The following DGKI variants were observed in gnomAD, a reference collection of about 807,000 sequenced individuals.
The protein encoded by DGKI is DAG kinase iota.
DGKI carries 55 observed loss-of-function variants against 147.5 expected under a neutral mutation model. The observed-to-expected ratio is 0.37, with a 90% CI of 0.30 to 0.47. The LOEUF (loss-of-function observed/expected upper bound fraction) is 0.47. DGKI is among the 20% of genes least tolerant of loss of function. The probability of loss-of-function intolerance (pLI) is 1.00; values close to 1 mark genes in which losing one functional copy is unlikely to be tolerated. For missense variants in DGKI, 1,007 were observed against 1,323.8 expected (o/e 0.76, Z 3.71); for synonymous variants, 469 against 477.1 (o/e 0.98, Z 0.22).
chr7:137,634,009 C>T (rs1821225722), intron 6 of DGKI, among the ~76,000 whole-genome samples: 1 of 152,126 alleles, frequency 6.6e-6, no homozygotes, highest in Non-Finnish European at 1.5e-5. Context: ...GGGACATAAG[C>T]CCTATGAAGA....
At position 137,558,715 on chromosome 7, in the gene DGKI, T is replaced by C. The variant is rs1044578091; in HGVS notation, c.1948-6147A>G. ...ATTCGATAAATTCAGTTTCCTCATATGTAAAGTGATTACAGTATGCTGCTA... is the reference window on the plus strand; with the variant it reads ...ATTCGATAAATTCAGTTTCCTCATACGTAAAGTGATTACAGTATGCTGCTA... On this transcript the variant is annotated intron_variant, in intron 19 of 32. Transcript: ENST00000614521. 1.9e-4 allele frequency among the ~76,000 whole-genome samples: 24 copies of C among 129,142 alleles called. 2 individuals carry two copies. Among genetic ancestry groups the C allele is most frequent in the Non-Finnish European group, 2.9e-4 (19 of 65,248 alleles). The allele number at this position is 129,142 out of a possible 152,430, so 84.7% of individuals were successfully genotyped here. A position where few individuals can be genotyped will look rare whatever the true frequency, so the allele number is the denominator to read the frequency against.
chr7:137,502,385 A>G (rs1816206108), intron 21 of DGKI, among the ~76,000 whole-genome samples: 1 of 152,180 alleles, frequency 6.6e-6, no homozygotes, highest in Non-Finnish European at 1.5e-5. Context: ...GTCATGTTGC[A>G]TAGCATTGTG....
chr7:137,517,213 G>T (rs1280736969), intron 21 of DGKI, among the ~76,000 whole-genome samples: 4 of 104,732 alleles, frequency 3.8e-5, no homozygotes, highest in Non-Finnish European at 6.5e-5. Context: ...GAAAAGTAAA[G>T]AAAAGAAAAG....
At chr7:137,833,286 T>C (rs1293442006) in intron 1 of DGKI, among the ~76,000 whole-genome samples, 4 of 151,626 alleles carry the variant, frequency 2.6e-5, no homozygotes, top group Non-Finnish European at 2.9e-5. Flanking sequence ...ACAGAAGAGG[T>C]TTATTAGACT....
At chr7:137,819,313 ATT>A (rs368399753) in intron 1 of DGKI, among the ~76,000 whole-genome samples, 4 of 143,668 alleles carry the variant, frequency 2.8e-5, no homozygotes, top group Admixed American at 6.9e-5. Flanking sequence ...CTACAAGGGA[ATT>A]TTTTTTTTTT....
intron 8 of DGKI, 83 bp downstream of exon 8, chr7:137,619,741 A>G (rs1820674005): frequency 9.6e-7 from 1 of 1,042,624 alleles, no homozygotes. Context: ...AGGAACCCAA[A>G]GACTAGTCTG....
intron 20 of DGKI, among the ~76,000 whole-genome samples, chr7:137,532,158 T>A (rs1346389146): frequency 6.6e-6 from 1 of 152,086 alleles, no homozygotes; most frequent in Non-Finnish European, 1.5e-5. Context: ...GGAAATCACA[T>A]AACCCAATTA....
chr7:137,762,159 C>A (rs1041178694), intron 1 of DGKI, among the ~76,000 whole-genome samples: 4 of 152,200 alleles, frequency 2.6e-5, no homozygotes, highest in Admixed American at 2.6e-4. Flanking sequence ...GCCAATGTGA[C>A]CAGTTCATTC....
At chr7:137,466,158 T>C in intron 25 of DGKI, 123 bp from the exon 26 acceptor site, 2 of 1,193,238 alleles carry the variant, frequency 1.7e-6, no homozygotes, top group Non-Finnish European at 2.4e-6. Flanking sequence ...GCTTGATCAG[T>C]TGGTGATCCT....
intron 1 of DGKI, among the ~76,000 whole-genome samples, chr7:137,757,880 G>A (rs1348297264): frequency 1.3e-5 from 2 of 152,166 alleles, no homozygotes; most frequent in African/African-American, 2.4e-5. Flanking sequence ...TCTCTAAAAA[G>A]TAGTTTAAGA....
At chr7:137,509,702 C>G (rs970071395) in intron 21 of DGKI, among the ~76,000 whole-genome samples, 3 of 152,028 alleles carry the variant, frequency 2.0e-5, no homozygotes, top group Non-Finnish European at 4.4e-5. Context: ...ACCTAAAATA[C>G]AAGAAAATGG....
rs982304730 is a variant in DGKI at position 137,560,729 on chromosome 7, T to C, written c.1948-8161A>G. On this transcript the variant is annotated intron_variant, in intron 19 of 32. Transcript: ENST00000614521. The stretch of plus-strand genomic sequence containing the variant: ...AAAGTCAGAGAGGACAATGCAAGAA[T>C]AGAAACAGGCTGGAGTGGCACAGGA... Among the ~76,000 whole-genome samples, 19 of 152,224 alleles carry C rather than the reference T, an allele frequency of 1.2e-4. 2 individuals carry two copies. Among genetic ancestry groups the C allele is most frequent in the East Asian group, 5.8e-4 (3 of 5,180 alleles).
chr7:137,791,075 G>A (rs1199522041), intron 1 of DGKI, among the ~76,000 whole-genome samples: 3 of 152,140 alleles, frequency 2.0e-5, no homozygotes, highest in Admixed American at 6.5e-5. Context: ...GCAATGGCAT[G>A]TGACAAGCAC....
At chr7:137,478,314 T>A (rs920034578) in intron 23 of DGKI, among the ~76,000 whole-genome samples, 1 of 152,216 alleles carries the variant, frequency 6.6e-6, no homozygotes, top group African/African-American at 2.4e-5. Flanking sequence ...GTCCATAAAC[T>A]TTTTATGCTC....
intron 19 of DGKI, among the ~76,000 whole-genome samples, chr7:137,556,124 C>T (rs1585227306): frequency 6.6e-6 from 1 of 151,898 alleles, no homozygotes; most frequent in African/African-American, 2.4e-5. Flanking sequence ...AGAAAAACCA[C>T]ATTATCATCT....
intron 1 of DGKI, among the ~76,000 whole-genome samples, chr7:137,711,896 G>A (rs746168906): frequency 4.0e-5 from 6 of 151,488 alleles, no homozygotes; most frequent in Admixed American, 1.3e-4. Flanking sequence ...GTTTCACCAC[G>A]TTGGCCAGGA....
At chr7:137,585,617 C>A (rs957785048) in intron 13 of DGKI, among the ~76,000 whole-genome samples, 1 of 152,150 alleles carries the variant, frequency 6.6e-6, no homozygotes, top group Non-Finnish European at 1.5e-5. Context: ...AAGGGTCATA[C>A]TGGAGGCTGG....
intron 1 of DGKI, among the ~76,000 whole-genome samples, chr7:137,746,069 A>T (rs191723888): frequency 2.0e-4 from 31 of 152,292 alleles, no homozygotes; most frequent in African/African-American, 7.5e-4. Context: ...TACTGTATCT[A>T]TTTAACGATG....
At chr7:137,616,762 A>T (rs755189065) in intron 8 of DGKI, among the ~76,000 whole-genome samples, 6 of 152,164 alleles carry the variant, frequency 3.9e-5, no homozygotes, top group African/African-American at 1.4e-4. Context: ...AACAACCACT[A>T]CTACATCCTA....
Sources: allele counts gnomAD v4.1 joint callset (sites outside exome capture counted in the v4.1 genomes callset), GRCh38; gene constraint gnomAD v4.1.1; transcripts MANE v1.5; gene names NCBI Gene and HGNC (gene_info 2026-07-23, HGNC 2026-07-21).